Variants in ST8SIA5 observed in about 807,000 individuals in gnomAD.
The protein encoded by ST8SIA5 is alpha-2,8-sialyltransferase 8E.
Under a neutral mutation model 40.2 loss-of-function variants are expected in ST8SIA5, and 24 were observed. The observed-to-expected ratio is 0.60, with a 90% CI of 0.43 to 0.84. ST8SIA5 has a LOEUF of 0.84. Ranked by LOEUF, ST8SIA5 falls within the 40% of genes least tolerant of loss-of-function variation. The probability of loss-of-function intolerance (pLI) is 0.00; values close to 1 mark genes in which losing one functional copy is unlikely to be tolerated. For missense variants in ST8SIA5, 465 were observed against 498.5 expected (o/e 0.93, Z 0.64); for synonymous variants, 198 against 201.8 (o/e 0.98, Z 0.16).
In ST8SIA5 at chr18:46,672,215, G is replaced by A. The variant is rs1000929195; in HGVS notation, c.*7827C>T. The A allele has an allele frequency of 6.6e-6, 1 of 152,216 alleles. No homozygotes were observed. Among genetic ancestry groups the A allele is most frequent in the Middle Eastern group, 3.2e-3 (1 of 316 alleles). The allele number at this position is 152,216 out of a possible 1,614,324, so 9.4% of individuals were successfully genotyped here. On this transcript the variant is annotated 3_prime_UTR_variant, in exon 7 of 7. Coordinates refer to ENST00000315087, the MANE Select transcript of ST8SIA5 (RefSeq NM_013305.6). ...GAGTATTTCTTAAAGCTCTTCAGAC[G>A]ACTCTAGCGTGCACCAAGGCATAGA...
intron 2 of ST8SIA5, among the ~76,000 whole-genome samples, chr18:46,701,074 A>T (rs2039608830): frequency 7.3e-6 from 1 of 136,872 alleles, no homozygotes; most frequent in African/African-American, 2.8e-5. Context: ...TAAAATTCGT[A>T]TGCTTAGGTC....
intron 1 of ST8SIA5, among the ~76,000 whole-genome samples, chr18:46,744,327 G>A (rs893466267): frequency 6.6e-6 from 1 of 152,158 alleles, no homozygotes; most frequent in Non-Finnish European, 1.5e-5. Flanking sequence ...CCCATCTCAT[G>A]TGCAGAGACA....
chr18:46,735,034 T>A (rs1047945889), intron 1 of ST8SIA5, among the ~76,000 whole-genome samples: 1 of 152,250 alleles, frequency 6.6e-6, no homozygotes, highest in Non-Finnish European at 1.5e-5. Flanking sequence ...ACTGCCAATG[T>A]GGCTAGAATA....
intron 1 of ST8SIA5, among the ~76,000 whole-genome samples, chr18:46,735,613 T>C (rs950990538): frequency 1.3e-5 from 2 of 152,144 alleles, no homozygotes; most frequent in African/African-American, 4.8e-5. Context: ...CTATATTGTT[T>C]GGGGTGTTTT....
At chr18:46,711,716 G>A (rs2144512661) in intron 1 of ST8SIA5, among the ~76,000 whole-genome samples, 1 of 152,324 alleles carries the variant, frequency 6.6e-6, no homozygotes, top group South Asian at 2.1e-4. Flanking sequence ...AGATAGGTAG[G>A]AGAGAGGCAA....
At chr18:46,726,717 G>C (rs2039934587) in intron 1 of ST8SIA5, among the ~76,000 whole-genome samples, 1 of 152,072 alleles carries the variant, frequency 6.6e-6, no homozygotes, top group Non-Finnish European at 1.5e-5. Context: ...AGGAGTTCAA[G>C]ACCAACCTGG....
At chr18:46,740,108 T>G (rs1349122858) in intron 1 of ST8SIA5, among the ~76,000 whole-genome samples, 1 of 152,228 alleles carries the variant, frequency 6.6e-6, no homozygotes, top group Admixed American at 6.5e-5. Flanking sequence ...GGGAATCCAA[T>G]CTGCAACATC....
intron 1 of ST8SIA5, among the ~76,000 whole-genome samples, chr18:46,749,217 A>C (rs975393560): frequency 6.6e-6 from 1 of 152,162 alleles, no homozygotes; most frequent in African/African-American, 2.4e-5. Flanking sequence ...TAGGAGGGAT[A>C]GGGGTCTGGG....
chr18:46,689,916 T>A (rs112854690), intron 3 of ST8SIA5, among the ~76,000 whole-genome samples: 75 of 151,930 alleles, frequency 4.9e-4, no homozygotes, highest in African/African-American at 1.7e-3. Flanking sequence ...TAATTTCATC[T>A]CTTGCAGGTA....
chr18:46,710,154 C>T (rs1238662178), intron 1 of ST8SIA5, among the ~76,000 whole-genome samples: 3 of 152,160 alleles, frequency 2.0e-5, no homozygotes, highest in Non-Finnish European at 2.9e-5. Context: ...ACTCAGTTTC[C>T]AGCAGCCAAA....
chr18:46,740,112 C>A (rs1165184585), intron 1 of ST8SIA5, among the ~76,000 whole-genome samples: 2 of 152,176 alleles, frequency 1.3e-5, no homozygotes, highest in African/African-American at 4.8e-5. Flanking sequence ...ATCCAATCTG[C>A]AACATCCTCC....
intron 1 of ST8SIA5, among the ~76,000 whole-genome samples, chr18:46,726,864 G>A (rs2039936539): frequency 6.6e-6 from 1 of 152,174 alleles, no homozygotes; most frequent in African/African-American, 2.4e-5. Context: ...GTTGCAGTGA[G>A]TCAAGATCAC....
At chr18:46,721,744 A>C (rs2039866173) in intron 1 of ST8SIA5, among the ~76,000 whole-genome samples, 1 of 152,206 alleles carries the variant, frequency 6.6e-6, no homozygotes, top group African/African-American at 2.4e-5. Flanking sequence ...CGACTTTGCG[A>C]GACAAAGGTC....
intron 6 of ST8SIA5, 85 bp downstream of exon 6, chr18:46,681,887 T>C (rs2039399647): frequency 4.9e-6 from 7 of 1,420,754 alleles, no homozygotes; most frequent in Non-Finnish European, 6.8e-6. Context: ...ACCTCCAGAC[T>C]AACAACACTT....
chr18:46,680,058 G>C lies in ST8SIA5; in HGVS notation c.1115C>G (p.Thr372Ser). The part of the protein sequence containing the change: ...SRGILRVHTG[T>S]CSCC ...TGGCAGCCATCAGCAGCAGCTGCAG[G>C]TGCCCGTGTGCACGCGGAGGATGCC... Residue 372 changes from threonine (T) to serine (S), a missense_variant, in exon 7 of 7, where the codon ACC becomes AGC. Transcript: ENST00000315087. The C allele has an allele frequency of 6.2e-7, 1 of 1,606,660 alleles. No homozygotes were observed. The highest frequency in any genetic ancestry group is 8.5e-7 in the Non-Finnish European group (1 of 1,175,056).
intron 5 of ST8SIA5, among the ~76,000 whole-genome samples, chr18:46,684,745 C>A (rs1020548471): frequency 5.9e-5 from 9 of 152,156 alleles, no homozygotes; most frequent in African/African-American, 2.2e-4. Context: ...AACAGAAGTT[C>A]TCTTTGTGTT....
At chr18:46,732,634 A>G (rs1172770255) in intron 1 of ST8SIA5, among the ~76,000 whole-genome samples, 1 of 152,214 alleles carries the variant, frequency 6.6e-6, no homozygotes, top group Non-Finnish European at 1.5e-5. Context: ...AGTAGGCTCT[A>G]TTCGTAAAAA....
intron 1 of ST8SIA5, among the ~76,000 whole-genome samples, chr18:46,715,580 ATACGGTCT>A (rs2039779979): frequency 6.7e-6 from 1 of 148,650 alleles, no homozygotes; most frequent in African/African-American, 2.5e-5. Context: ...ATTTTTTGAG[ATACGGTCT>A]TACTCTGTCA....
At chr18:46,704,774 C>A in intron 1 of ST8SIA5, 110 bp from the exon 2 acceptor site, 1 of 879,006 alleles carries the variant, frequency 1.1e-6, no homozygotes, top group Non-Finnish European at 1.9e-6. Context: ...TAAATAAAGC[C>A]AACCAGCCCC....
Sources: gnomAD v4.1 joint callset for allele counts (sites outside exome capture counted in the v4.1 genomes callset) on GRCh38, gnomAD v4.1.1 for gene constraint, MANE v1.5 for transcripts, NCBI Gene and HGNC (gene_info 2026-07-23, HGNC 2026-07-21) for gene names.